Variants in DPP6 observed in about 807,000 individuals in gnomAD.
The protein encoded by DPP6 is dipeptidyl peptidase like 6.
A neutral mutation model predicts 122.6 loss-of-function variants in DPP6; 69 were observed. That is an observed-to-expected ratio of 0.56 (90% confidence interval 0.46 to 0.69). The LOEUF is 0.69. Ranked by LOEUF, DPP6 falls within the 30% of genes least tolerant of loss-of-function variation. DPP6 has a pLI of 0.00. For synonymous variants in DPP6, 418 were observed against 433.1 expected (o/e 0.97, Z 0.43); for missense variants, 928 against 1,116.9 (o/e 0.83, Z 2.41).
intron 6 of DPP6, among the ~76,000 whole-genome samples, chr7:154,650,118 G>C (rs755833729): frequency 1.3e-5 from 2 of 152,118 alleles, no homozygotes; most frequent in African/African-American, 4.8e-5. Flanking sequence ...CCAGGAGTTT[G>C]AGACCAGCCT....
intron 6 of DPP6, among the ~76,000 whole-genome samples, chr7:154,658,705 C>G (rs191908187): frequency 4.8e-4 from 73 of 152,318 alleles, no homozygotes; most frequent in Middle Eastern, 6.8e-3. Context: ...CCCACACCTC[C>G]TTGTCCCTTT....
At position 154,300,564 on chromosome 7, in the gene DPP6, T is replaced by G. The variant is rs186023383; in HGVS notation, c.244-145650T>G. On this transcript the variant is annotated intron_variant, in intron 1 of 25. Transcript: ENST00000377770. Reference sequence around the variant, plus strand: ...CATGACTTGAGACGTCTTAAACTTGTTTGGAGAATTTGGGACTGGATCTCC... The same window carrying G: ...CATGACTTGAGACGTCTTAAACTTGGTTGGAGAATTTGGGACTGGATCTCC... 2.6e-5 allele frequency among the ~76,000 whole-genome samples: 4 copies of G among 152,212 alleles called. No homozygotes were observed. In the East Asian group the frequency reaches 5.8e-4, roughly 22 times the overall value.
At chr7:154,802,570 A>C (rs1391670650) in intron 13 of DPP6, among the ~76,000 whole-genome samples, 1 of 152,156 alleles carries the variant, frequency 6.6e-6, no homozygotes, top group Non-Finnish European at 1.5e-5. Flanking sequence ...CAAGATTTTA[A>C]AATGCTGGCC....
intron 1 of DPP6, among the ~76,000 whole-genome samples, chr7:154,084,785 C>T (rs940355017): frequency 6.8e-6 from 1 of 147,938 alleles, no homozygotes; most frequent in Non-Finnish European, 1.5e-5. Context: ...GTCAGGAGAT[C>T]GAGACCATCC....
intron 1 of DPP6, among the ~76,000 whole-genome samples, chr7:153,974,699 G>T (rs1796205346): frequency 6.6e-6 from 1 of 152,164 alleles, no homozygotes; most frequent in South Asian, 2.1e-4. Context: ...TGAACATTCT[G>T]TCCTTTGTTT....
rs78090294 is a variant in DPP6, at chr7:154,378,102, G to T, written c.244-68112G>T. 0.011 allele frequency among the ~76,000 whole-genome samples: 1,693 copies of T among 152,306 alleles called. 81 individuals are homozygous for T. The East Asian group carries it at 0.17, about 15-fold the overall frequency. On this transcript the variant is annotated intron_variant, in intron 1 of 25. Transcript: ENST00000377770. ...TGGTGAGCTCTTTTTGAGGATAGAT[G>T]CTAGGTCTTCTCTTTCATTCTCAGG... is the stretch of plus-strand genomic sequence containing the variant.
Position 154,795,867 on chromosome 7 carries a change from C to G in DPP6, c.1283C>G (p.Ala428Gly). 1 of 1,612,698 alleles carries G rather than the reference C, an allele frequency of 6.2e-7. No homozygotes were observed. Among genetic ancestry groups the G allele is most frequent in the Non-Finnish European group, 8.5e-7 (1 of 1,179,368 alleles). Residue 428 changes from alanine (A) to glycine (G), a missense_variant, in exon 12 of 26, where the codon GCC becomes GGC. Physicochemically the swap from Ala to Gly is moderately conservative, Grantham distance 60. Coordinates refer to ENST00000377770, the MANE Select transcript of DPP6 (RefSeq NM_130797.4). ...CAGAAACACGAGGATGAAAGTGAGG[C>G]CTGGCTCCACAGACAGGTAACTACT... ...CTKKHEDESE[A>G]WLHRQNEEPV...
At chr7:154,344,621 G>C (rs934494123) in intron 1 of DPP6, among the ~76,000 whole-genome samples, 1 of 152,204 alleles carries the variant, frequency 6.6e-6, no homozygotes. Context: ...ACGTGAGAGA[G>C]ATCCAGTTAA....
chr7:154,051,007 G>T (rs1353010395), upstream of DPP6, among the ~76,000 whole-genome samples: 1 of 140,924 alleles, frequency 7.1e-6, no homozygotes, highest in Non-Finnish European at 1.6e-5. Context: ...CGCAGTTAGG[G>T]AAACAGAGGG....
intron 16 of DPP6, among the ~76,000 whole-genome samples, chr7:154,818,168 G>A (rs1012195317): frequency 2.0e-5 from 3 of 152,162 alleles, no homozygotes; most frequent in Admixed American, 6.5e-5. Flanking sequence ...TGTCACTTCA[G>A]AGAAGAGAAA....
intron 5 of DPP6, among the ~76,000 whole-genome samples, chr7:154,611,535 G>A (rs1833908691): frequency 6.6e-6 from 1 of 152,120 alleles, no homozygotes; most frequent in Non-Finnish European, 1.5e-5. Flanking sequence ...AGAGGAGTGT[G>A]TGCATGTGTG....
Position 154,224,539 on chromosome 7 carries a change from C to T in DPP6, c.243+171476C>T, listed in dbSNP as rs1359926918. Among the ~76,000 whole-genome samples, 3 of 149,126 alleles carry T rather than the reference C, an allele frequency of 2.0e-5. 1 individual carries two copies. Among genetic ancestry groups the T allele is most frequent in the African/African-American group, 7.7e-5 (3 of 39,094 alleles). On this transcript the variant is annotated intron_variant, in intron 1 of 25. Coordinates refer to ENST00000377770, the MANE Select transcript of DPP6 (RefSeq NM_130797.4). ...CAATCAACTGCAAAGCTTCATCTTT[C>T]ATAAAACATGACCTTAAATGAAGAC...
At chr7:154,201,107 G>A (rs942691587) in intron 1 of DPP6, among the ~76,000 whole-genome samples, 4 of 152,032 alleles carry the variant, frequency 2.6e-5, no homozygotes, top group Non-Finnish European at 5.9e-5. Flanking sequence ...TGTGGGTGGT[G>A]GGGAAAGGAT....
intron 1 of DPP6, among the ~76,000 whole-genome samples, chr7:154,395,487 C>T (rs1814999446): frequency 6.6e-6 from 1 of 152,088 alleles, no homozygotes; most frequent in South Asian, 2.1e-4. Context: ...TAAGTTAATT[C>T]CTAAGTATTT....
intron 1 of DPP6, among the ~76,000 whole-genome samples, chr7:153,969,066 G>A (rs1365908981): frequency 6.6e-6 from 1 of 150,866 alleles, no homozygotes; most frequent in African/African-American, 2.5e-5. Flanking sequence ...ATGAATATTT[G>A]TGTACGTGCT....
chr7:154,662,255 T>A (rs1380524144), intron 6 of DPP6, among the ~76,000 whole-genome samples: 1 of 151,696 alleles, frequency 6.6e-6, no homozygotes, highest in Non-Finnish European at 1.5e-5. Context: ...TTAGCCATAG[T>A]GTTCATATAG....
At chr7:154,396,499 C>T (rs887072997) in intron 1 of DPP6, among the ~76,000 whole-genome samples, 5 of 152,142 alleles carry the variant, frequency 3.3e-5, no homozygotes, top group African/African-American at 1.2e-4. Context: ...AATTGTCCAG[C>T]TAGCACCTTC....
At chr7:154,709,332 A>G (rs1841020542) in intron 7 of DPP6, among the ~76,000 whole-genome samples, 1 of 151,654 alleles carries the variant, frequency 6.6e-6, no homozygotes, top group Admixed American at 6.6e-5. Flanking sequence ...GGCGTGTGCT[A>G]TGACACTCAG....
chr7:154,660,584 G>A (rs113115563), intron 6 of DPP6, among the ~76,000 whole-genome samples: 5 of 134,072 alleles, frequency 3.7e-5, no homozygotes, highest in Admixed American at 7.1e-5. Context: ...CGGCCGTAGT[G>A]TTCATATAGT....
Sources: allele counts gnomAD v4.1 joint callset (sites outside exome capture counted in the v4.1 genomes callset), GRCh38; gene constraint gnomAD v4.1.1; transcripts MANE v1.5; gene names NCBI Gene and HGNC (gene_info 2026-07-23, HGNC 2026-07-21).